The following ZFR variants were observed in gnomAD, a reference collection of about 807,000 sequenced individuals.
ZFR encodes zinc finger RNA-binding protein.
A neutral mutation model predicts 130.7 loss-of-function variants in ZFR; 19 were observed. That is an observed-to-expected ratio of 0.15 (90% confidence interval 0.10 to 0.21). The LOEUF (loss-of-function observed/expected upper bound fraction) is 0.21, where lower values mean the gene tolerates loss of function less well. Ranked by LOEUF, ZFR falls within the 10% of genes least tolerant of loss-of-function variation. The pLI, the probability that ZFR is intolerant of heterozygous loss-of-function variation, is 1.00. For missense variants in ZFR, 872 were observed against 1,321.5 expected, an observed-to-expected ratio of 0.66 and a Z score of 5.27; for synonymous variants, 466 against 456.9, an observed-to-expected ratio of 1.02 and a Z score of -0.25.
chr5:32,375,859 T>G (rs1305692639), intron 17 of ZFR, among the ~76,000 whole-genome samples: 1 of 150,548 alleles, frequency 6.6e-6, no homozygotes, highest in East Asian at 2.0e-4. Flanking sequence ...TTTTTTTTTT[T>G]TTGAGACGGA....
chr5:32,393,705 C>T (rs918393162), intron 11 of ZFR, among the ~76,000 whole-genome samples: 1 of 152,088 alleles, frequency 6.6e-6, no homozygotes, highest in Non-Finnish European at 1.5e-5. Flanking sequence ...CTTTGGAGTC[C>T]TTGATAATTG....
In ZFR at chr5:32,399,339, T is replaced by C. The variant is rs114394627; in HGVS notation, c.1713+668A>G. ...CTCTCCTAGATGCTAGACACCATGC[T>C]AGGTACTTTATTTCATCTACTCTTC... On this transcript the variant is annotated intron_variant, in intron 9 of 19. Transcript: ENST00000265069. Among the ~76,000 whole-genome samples the C allele has an allele frequency of 3.5e-3, 526 of 152,266 alleles. 3 individuals carry two copies. The highest frequency in any genetic ancestry group is 0.011 in the African/African-American group (441 of 41,560).
chr5:32,373,770 T>A (rs1307546706), intron 17 of ZFR, among the ~76,000 whole-genome samples: 2 of 152,232 alleles, frequency 1.3e-5, no homozygotes, highest in Non-Finnish European at 2.9e-5. Context: ...TTTGGTGTTT[T>A]TTTTTAAAGT....
intron 5 of ZFR, among the ~76,000 whole-genome samples, chr5:32,408,755 A>G (rs1333723498): frequency 6.6e-6 from 1 of 152,154 alleles, no homozygotes; most frequent in African/African-American, 2.4e-5. Context: ...TGTTTTCTCA[A>G]TTTTATCTGA....
At chr5:32,369,114 T>C (rs1204672835) in intron 17 of ZFR, among the ~76,000 whole-genome samples, 1 of 152,236 alleles carries the variant, frequency 6.6e-6, no homozygotes, top group Non-Finnish European at 1.5e-5. Context: ...CTTACAGCTT[T>C]TAGTGATTTA....
intron 2 of ZFR, among the ~76,000 whole-genome samples, chr5:32,435,764 T>C (rs973902823): frequency 2.0e-5 from 3 of 152,220 alleles, no homozygotes; most frequent in African/African-American, 7.2e-5. Flanking sequence ...TTCCCAGAAA[T>C]ATGAATTCAA....
intron 4 of ZFR, among the ~76,000 whole-genome samples, chr5:32,415,523 C>CGCGCGCGTGCGCGCGCGCGCGCGT (rs1554073623): frequency 7.6e-6 from 1 of 132,036 alleles, no homozygotes; most frequent in Non-Finnish European, 1.6e-5. Context: ...TGTGCGCGCG[C>CGCGCGCGTGCGCGCGCGCGCGCGT]GCGCGCGCGC....
intron 17 of ZFR, among the ~76,000 whole-genome samples, chr5:32,368,556 CATT>C (rs1428821629): frequency 1.3e-5 from 2 of 152,142 alleles, no homozygotes; most frequent in Non-Finnish European, 2.9e-5. Flanking sequence ...AAAAGACACA[CATT>C]AATTAGCCCA....
intron 5 of ZFR, among the ~76,000 whole-genome samples, chr5:32,409,159 A>G (rs1753644859): frequency 6.6e-6 from 1 of 152,138 alleles, no homozygotes; most frequent in Admixed American, 6.5e-5. Flanking sequence ...ATCCATTACC[A>G]CTTACAGGAA....
chr5:32,427,125 A>G (rs189104882), intron 2 of ZFR, among the ~76,000 whole-genome samples: 219 of 152,220 alleles, frequency 1.4e-3, no homozygotes, highest in Non-Finnish European at 2.5e-3. Flanking sequence ...GTCAAAAAGA[A>G]TAAAAAACTC....
chr5:32,409,481 C>T (rs1019641345), intron 5 of ZFR, among the ~76,000 whole-genome samples: 5 of 151,458 alleles, frequency 3.3e-5, no homozygotes, highest in African/African-American at 7.3e-5. Flanking sequence ...TCTCGACTCA[C>T]TGCAACCTCT....
At chr5:32,415,523 C>CGCGCGCAT (rs1554073625) in intron 4 of ZFR, among the ~76,000 whole-genome samples, 25 of 132,106 alleles carry the variant, frequency 1.9e-4, no homozygotes, top group East Asian at 4.4e-4. Context: ...TGTGCGCGCG[C>CGCGCGCAT]GCGCGCGCGC....
intron 3 of ZFR, among the ~76,000 whole-genome samples, chr5:32,419,339 G>GA (rs1267924884): frequency 6.6e-6 from 1 of 151,906 alleles, no homozygotes; most frequent in Non-Finnish European, 1.5e-5. Context: ...TCATTGCAAG[G>GA]AATTTTTTTT....
chr5:32,435,535 C>T (rs1274649828), intron 2 of ZFR, among the ~76,000 whole-genome samples: 5 of 152,004 alleles, frequency 3.3e-5, no homozygotes, highest in Admixed American at 6.6e-5. Context: ...TAGTATAAAA[C>T]GGTTTGGGAA....
chr5:32,359,897 T>C (rs1752393268), intron 19 of ZFR, among the ~76,000 whole-genome samples: 1 of 151,286 alleles, frequency 6.6e-6, no homozygotes. Flanking sequence ...TGAGCTGAGA[T>C]TGCGCCTTTG....
rs1229460128 is a variant in ZFR at position 32,423,685 on chromosome 5, AACC to A, written c.138-3585_138-3583del. 3.3e-5 allele frequency among the ~76,000 whole-genome samples: 5 copies of A among 152,306 alleles called. 1 individual carries two copies. The East Asian group carries it at 7.7e-4, about 23-fold the overall frequency. On this transcript the variant is annotated intron_variant, in intron 2 of 19. Transcript: ENST00000265069. ...AATAAAATTTCCCACTCCTGACGTG[AACC>A]ACGTTTTCAAATTCAAAAAGCTCAC...
At chr5:32,431,593 T>G (rs1432181771) in intron 2 of ZFR, among the ~76,000 whole-genome samples, 4 of 152,174 alleles carry the variant, frequency 2.6e-5, no homozygotes, top group Admixed American at 6.5e-5. Flanking sequence ...AACAGCAAAG[T>G]AATTGATAGA....
intron 2 of ZFR, among the ~76,000 whole-genome samples, chr5:32,433,036 G>C (rs952123913): frequency 1.3e-5 from 2 of 152,030 alleles, no homozygotes; most frequent in Non-Finnish European, 2.9e-5. Context: ...CCTGCCGCTT[G>C]ATTTCTTCTT....
intron 17 of ZFR, among the ~76,000 whole-genome samples, chr5:32,367,979 T>TG (rs937511879): frequency 1.3e-5 from 2 of 149,570 alleles, no homozygotes; most frequent in Non-Finnish European, 3.0e-5. Context: ...AAAATAATGC[T>TG]TTTTTTTTTC....
Sources: gnomAD v4.1 joint callset for allele counts (sites outside exome capture counted in the v4.1 genomes callset) on GRCh38, gnomAD v4.1.1 for gene constraint, MANE v1.5 for transcripts, NCBI Gene and HGNC (gene_info 2026-07-23, HGNC 2026-07-21) for gene names.